PJA2: variants seen among roughly 807,000 people sequenced by gnomAD.
PJA2 encodes the protein E3 ubiquitin-protein ligase Praja-2.
PJA2 carries 25 observed loss-of-function variants against 69.3 expected under a neutral mutation model. The ratio of observed to expected loss-of-function variants is 0.36; its 90% confidence interval spans 0.26 to 0.50. The LOEUF (loss-of-function observed/expected upper bound fraction) is 0.50, where lower values mean the gene tolerates loss of function less well. PJA2 is among the 20% of genes least tolerant of loss of function. The pLI is 0.96. For synonymous variants in PJA2, 308 were observed against 277.8 expected (o/e 1.11, Z -1.08); for missense variants, 809 against 830.2 (o/e 0.97, Z 0.31).
chr5:109,346,158 T>G (rs1762169775), intron 7 of PJA2, among the ~76,000 whole-genome samples: 1 of 152,194 alleles, frequency 6.6e-6, no homozygotes, highest in Non-Finnish European at 1.5e-5. Context: ...AAAGAATTGG[T>G]ATTACACCGT....
intron 1 of PJA2, among the ~76,000 whole-genome samples, chr5:109,388,626 A>G (rs886884497): frequency 6.6e-6 from 1 of 152,192 alleles, no homozygotes; most frequent in Non-Finnish European, 1.5e-5. Context: ...CTTATGACTC[A>G]TCTGCTGGGA....
At chr5:109,342,912 G>T (rs1320709403) in intron 9 of PJA2, among the ~76,000 whole-genome samples, 2 of 69,026 alleles carry the variant, frequency 2.9e-5, no homozygotes, top group African/African-American at 1.4e-4. Context: ...CCGGCCAGCC[G>T]CCCCGTCCGG....
At chr5:109,353,558 A>G (rs1474634128) in intron 7 of PJA2, among the ~76,000 whole-genome samples, 1 of 143,432 alleles carries the variant, frequency 7.0e-6, no homozygotes, top group East Asian at 2.1e-4. Flanking sequence ...TATATATTAG[A>G]TATCTATAAT....
chr5:109,336,591 T>C lies in PJA2; in HGVS notation c.*640A>G, dbSNP rs532163045. 6.6e-6 allele frequency: 1 copy of C among 152,296 alleles called. No individual in the cohort carries two copies. The highest frequency in any genetic ancestry group is 2.1e-4 in the South Asian group (1 of 4,826). 9.4% of individuals were successfully genotyped at this position (152,296 alleles called of 1,614,324 possible). A position where few individuals can be genotyped will look rare whatever the true frequency, so the allele number is the denominator to read the frequency against. The stretch of plus-strand genomic sequence containing the variant: ...ACGTTAAGCACATCCACTGGTTTCA[T>C]TAAGGATTTTACTACCTAACTTTAT... On this transcript the variant is annotated 3_prime_UTR_variant, in exon 10 of 10. Transcript: ENST00000361189.
intron 9 of PJA2, among the ~76,000 whole-genome samples, chr5:109,342,152 G>A (rs1762079536): frequency 3.6e-5 from 4 of 111,156 alleles, no homozygotes; most frequent in Non-Finnish European, 5.8e-5. Flanking sequence ...GGAGGTGGGG[G>A]GGTCAGCCCC....
chr5:109,340,536 C>G (rs970847818), intron 9 of PJA2, among the ~76,000 whole-genome samples: 1 of 150,600 alleles, frequency 6.6e-6, no homozygotes, highest in Non-Finnish European at 1.5e-5. Flanking sequence ...ATCCTTTATG[C>G]AAAAACAGAG....
Position 109,337,129 on chromosome 5 carries a change from T to C in PJA2, c.*102A>G, listed in dbSNP as rs1026919122. Reference sequence around the variant, plus strand: ...TCTAAACTATGGCATATACTATATATAGCATTTTTAAATATATTTATATAT... The same window carrying C: ...TCTAAACTATGGCATATACTATATACAGCATTTTTAAATATATTTATATAT... On this transcript the variant is annotated 3_prime_UTR_variant, in exon 10 of 10. Transcript: ENST00000361189. The C allele has an allele frequency of 3.6e-6, 4 of 1,122,490 alleles. No individual in the cohort carries two copies. In the East Asian group the frequency reaches 9.7e-5, roughly 27 times the overall value. 69.5% of individuals were successfully genotyped at this position (1,122,490 alleles called of 1,614,324 possible).
At chr5:109,337,514 T>C (rs758965459) in intron 9 of PJA2, among the ~76,000 whole-genome samples, 158 bp from the exon 10 acceptor site, 8 of 152,198 alleles carry the variant, frequency 5.3e-5, no homozygotes, top group Non-Finnish European at 8.8e-5. Context: ...ATAATTTTAA[T>C]ACCTTTTCCT....
rs1762364539 is a variant in PJA2 at position 109,354,390 on chromosome 5, C to CTA, written c.1764+1524_1764+1525insTA. 9.3e-5 allele frequency among the ~76,000 whole-genome samples: 7 copies of CTA among 74,898 alleles called. 1 individual carries two copies. Among genetic ancestry groups the CTA allele is most frequent in the African/African-American group, 4.2e-4 (6 of 14,202 alleles). The allele number at this position is 74,898 out of a possible 152,430, so 49.1% of individuals were successfully genotyped here. The stretch of plus-strand genomic sequence containing the variant: ...AGAGATATCTATAGATTAGATATCT[C>CTA]TGATATCTAGAGATATCTATAGATT... On this transcript the variant is annotated intron_variant, in intron 7 of 9. Transcript: ENST00000361189.
At chr5:109,380,538 T>C (rs1474218641) in intron 3 of PJA2, among the ~76,000 whole-genome samples, 1 of 152,154 alleles carries the variant, frequency 6.6e-6, no homozygotes, top group Non-Finnish European at 1.5e-5. Flanking sequence ...CCGGGCACAA[T>C]GGCCCATGTC....
intron 1 of PJA2, among the ~76,000 whole-genome samples, chr5:109,395,223 A>C (rs1275204088): frequency 6.6e-6 from 1 of 152,188 alleles, no homozygotes; most frequent in Non-Finnish European, 1.5e-5. Flanking sequence ...TAACAAAATA[A>C]AAATATAACT....
At chr5:109,399,003 G>A (rs914303632) in intron 1 of PJA2, among the ~76,000 whole-genome samples, 1 of 152,066 alleles carries the variant, frequency 6.6e-6, no homozygotes, top group East Asian at 1.9e-4. Context: ...CCTGAGGTCA[G>A]GAGTTCGAGA....
chr5:109,403,703 T>C (rs1365445467), intron 1 of PJA2, among the ~76,000 whole-genome samples: 2 of 148,144 alleles, frequency 1.4e-5, no homozygotes, highest in Non-Finnish European at 3.0e-5. Context: ...AAACAAACCA[T>C]ATGATCATCT....
chr5:109,404,558 T>C (rs1267066995), intron 1 of PJA2, among the ~76,000 whole-genome samples: 1 of 152,092 alleles, frequency 6.6e-6, no homozygotes, highest in East Asian at 1.9e-4. Context: ...TTTTTCACAG[T>C]TCTGGAGGCT....
chr5:109,375,622 T>C (rs953801037), intron 4 of PJA2, among the ~76,000 whole-genome samples: 3 of 152,234 alleles, frequency 2.0e-5, no homozygotes, highest in African/African-American at 7.2e-5. Flanking sequence ...TTTTCAAGTA[T>C]ATCAACTTTT....
chr5:109,349,693 C>T (rs1053334802), intron 7 of PJA2, among the ~76,000 whole-genome samples: 1 of 152,210 alleles, frequency 6.6e-6, no homozygotes, highest in Non-Finnish European at 1.5e-5. Flanking sequence ...GACCTCAGCC[C>T]TGAGATGGAC....
rs1746966961 is a variant in PJA2 at position 109,378,881 on chromosome 5, A to G, written c.606T>C (p.Phe202=). 6.2e-7 allele frequency: 1 copy of G among 1,613,990 alleles called. No homozygotes were observed. The highest frequency in any genetic ancestry group is 1.3e-5 in the African/African-American group (1 of 74,920). The change falls in exon 4 of 10, where the codon TTT becomes TTC. Residue 202 remains phenylalanine (F), a synonymous_variant. Transcript: ENST00000361189. The part of the protein sequence containing the change: ...RYQESLGNTV[F]ELENREAEAY... ...CCTCTGCCTCTCTGTTTTCCAACTC[A>G]AATACTGTATTGCCTAATGATTCCT...
chr5:109,357,191 T>G (rs570979079), intron 6 of PJA2, among the ~76,000 whole-genome samples: 1 of 152,134 alleles, frequency 6.6e-6, no homozygotes, highest in Non-Finnish European at 1.5e-5. Flanking sequence ...TACCACCTCT[T>G]AAGTCCAAGA....
At chr5:109,386,902 T>C (rs963552134) in intron 1 of PJA2, among the ~76,000 whole-genome samples, 1 of 152,206 alleles carries the variant, frequency 6.6e-6, no homozygotes, top group Non-Finnish European at 1.5e-5. Flanking sequence ...TGGTATTCTA[T>C]AATTTCACAA....
Sources: gnomAD v4.1 joint callset for allele counts (sites outside exome capture counted in the v4.1 genomes callset) on GRCh38, gnomAD v4.1.1 for gene constraint, MANE v1.5 for transcripts, NCBI Gene and HGNC (gene_info 2026-07-23, HGNC 2026-07-21) for gene names.